CSNK2A1: variants seen among roughly 807,000 people sequenced by gnomAD.
CSNK2A1 encodes casein kinase 2 alpha 1, also known as casein kinase II subunit alpha.
Under a neutral mutation model 62.9 loss-of-function variants are expected in CSNK2A1, and 10 were observed. The ratio of observed to expected loss-of-function variants is 0.16; its 90% CI spans 0.10 to 0.27. The LOEUF is 0.27. Among genes scored for constraint, CSNK2A1 ranks in the 10% least tolerant of loss-of-function variants. The probability of loss-of-function intolerance (pLI) is 1.00; values close to 1 mark genes in which losing one functional copy is unlikely to be tolerated. For missense variants in CSNK2A1, 160 were observed against 492.0 expected (o/e 0.33, Z 6.38); for synonymous variants, 124 against 167.8 (o/e 0.74, Z 2.02).
intron 7 of CSNK2A1, among the ~76,000 whole-genome samples, chr20:497,214 G>A (rs2018362932): frequency 6.6e-6 from 1 of 152,110 alleles, no homozygotes; most frequent in African/African-American, 2.4e-5. Flanking sequence ...TCCAGCCTGT[G>A]CAACAATCAT....
chr20:483,404 C>T lies in CSNK2A1; in HGVS notation c.*557G>A, dbSNP rs1353160176. ...AGCCACTAGGATAACCCCACTGAAG[C>T]GCTTATGGAGTAAAGTGATGTAAGC... On this transcript the variant is annotated 3_prime_UTR_variant, in exon 14 of 14. Coordinates refer to ENST00000217244, the MANE Select transcript of CSNK2A1 (RefSeq NM_177559.3). The T allele has an allele frequency of 3.3e-5, 5 of 152,376 alleles. No individual in the cohort carries two copies. The highest frequency in any genetic ancestry group is 3.8e-4 in the East Asian group (2 of 5,202). The allele number at this position is 152,376 out of a possible 1,614,324, so 9.4% of individuals were successfully genotyped here.
chr20:511,639 T>C (rs941193996), intron 2 of CSNK2A1, among the ~76,000 whole-genome samples: 6 of 152,204 alleles, frequency 3.9e-5, no homozygotes, highest in Admixed American at 1.3e-4. Context: ...CTGATCCATG[T>C]TGTAGCATGT....
intron 2 of CSNK2A1, among the ~76,000 whole-genome samples, chr20:520,140 AG>A (rs1327334668): frequency 6.6e-6 from 1 of 152,132 alleles, no homozygotes; most frequent in Non-Finnish European, 1.5e-5. Context: ...TAAGAAGCAT[AG>A]GGGAAGAAAG....
intron 4 of CSNK2A1, chr20:503,446 G>A (rs552830652): frequency 3.6e-4 from 144 of 398,462 alleles, no homozygotes; most frequent in African/African-American, 2.9e-3. Context: ...AAACTCTCTG[G>A]TTCTCAAAGG....
At chr20:531,337 T>C (rs1278344453) in intron 1 of CSNK2A1, among the ~76,000 whole-genome samples, 3 of 152,166 alleles carry the variant, frequency 2.0e-5, no homozygotes, top group Admixed American at 6.5e-5. Context: ...AGACACCCAA[T>C]GGAGATACCA....
Position 492,320 on chromosome 20 carries a change from G to T in CSNK2A1, c.555C>A (p.Gly185=). The T allele has an allele frequency of 3.1e-6, 5 of 1,613,946 alleles. No individual in the cohort carries two copies. In the South Asian group the frequency reaches 5.5e-5, roughly 18 times the overall value. The change falls in exon 9 of 14, where the codon GGC becomes GGA. Residue 185 remains glycine (G), a synonymous_variant. Coordinates refer to ENST00000217244, the MANE Select transcript of CSNK2A1 (RefSeq NM_177559.3). ...AAGCAACTCGGACATTATATTCTTG[G>T]CCAGGATGATAAAACTCAGCCAAAC... is the stretch of plus-strand genomic sequence containing the variant. ...DWGLAEFYHP[G]QEYNVRVASR...
intron 7 of CSNK2A1, 76 bp downstream of exon 7, chr20:497,645 C>T (rs1483164408): frequency 1.9e-5 from 24 of 1,281,168 alleles, no homozygotes; most frequent in Non-Finnish European, 2.6e-5. Flanking sequence ...AATCTGCTGG[C>T]TTTTCTACCA....
chr20:535,304 T>A (rs982308380), intron 1 of CSNK2A1, among the ~76,000 whole-genome samples: 1 of 152,190 alleles, frequency 6.6e-6, no homozygotes, highest in African/African-American at 2.4e-5. Context: ...AATGAAAGCA[T>A]TTTATTTGAC....
chr20:508,494 G>C lies in CSNK2A1; in HGVS notation c.58C>G (p.Pro20Ala). 1.9e-6 allele frequency: 3 copies of C among 1,614,152 alleles called. No individual in the cohort carries two copies. The highest frequency in any genetic ancestry group is 2.5e-6 in the Non-Finnish European group (3 of 1,180,016). Residue 20 changes from proline to alanine, a missense_variant, in exon 3 of 14, where the codon CCT becomes GCT. Physicochemically the swap from Pro to Ala is conservative, Grantham distance 27 (BLOSUM62 -1). This residue lies in a region of CSNK2A1 where 15 missense variants were observed against 25.6 expected (regional missense o/e 0.59). Transcript: ENST00000217244. ...RVYTDVNTHRPREYWDYESHV... is the reference protein window; with the variant it reads ...RVYTDVNTHRAREYWDYESHV... ...GACTCGTAATCCCAGTATTCTCGAGGTCTGTGTGTATTAACATCTGTGTAA... is the reference window on the plus strand; with the variant it reads ...GACTCGTAATCCCAGTATTCTCGAGCTCTGTGTGTATTAACATCTGTGTAA...
chr20:510,658 T>C (rs1359426398), intron 2 of CSNK2A1, among the ~76,000 whole-genome samples: 1 of 152,182 alleles, frequency 6.6e-6, no homozygotes, highest in Non-Finnish European at 1.5e-5. Context: ...AATATTACAA[T>C]AGGTAAACGT....
At chr20:513,831 G>A (rs890362908) in intron 2 of CSNK2A1, among the ~76,000 whole-genome samples, 5 of 152,080 alleles carry the variant, frequency 3.3e-5, no homozygotes, top group African/African-American at 1.2e-4. Context: ...TTCTCCACTG[G>A]GAAGACAACA....
At chr20:525,410 T>C (rs2019059386) in intron 2 of CSNK2A1, among the ~76,000 whole-genome samples, 1 of 151,892 alleles carries the variant, frequency 6.6e-6, no homozygotes, top group South Asian at 2.1e-4. Flanking sequence ...CCCAGCACTG[T>C]GGGAGGCTGA....
intron 6 of CSNK2A1, chr20:498,075 G>T: frequency 3.6e-6 from 1 of 277,160 alleles, no homozygotes; most frequent in Non-Finnish European, 6.9e-6. Flanking sequence ...AATTTAGTTT[G>T]CTTTTCATGT....
In CSNK2A1 at chr20:483,953, T is replaced by G; in HGVS notation, c.*8A>C. 6.2e-7 allele frequency: 1 copy of G among 1,609,574 alleles called. No homozygotes were observed. The highest frequency in any genetic ancestry group is 8.5e-7 in the Non-Finnish European group (1 of 1,178,286). ...CTCTGCTCAGGCATCAGGAGACAGATAGGGCCGTTACTGCTGAGCGCCAGC... is the reference window on the plus strand; with the variant it reads ...CTCTGCTCAGGCATCAGGAGACAGAGAGGGCCGTTACTGCTGAGCGCCAGC... On this transcript the variant is annotated 3_prime_UTR_variant, in exon 14 of 14. Transcript: ENST00000217244.
At chr20:494,631 G>A (rs1353911631) in intron 8 of CSNK2A1, 1 of 152,176 alleles carries the variant, frequency 6.6e-6, no homozygotes, top group African/African-American at 2.4e-5. Flanking sequence ...TAAATTTCAA[G>A]TGAGAACATG....
chr20:487,124 GACAGGAAAGAT>G (rs1361541208), intron 12 of CSNK2A1: 1 of 362,402 alleles, frequency 2.8e-6, no homozygotes, highest in African/African-American at 2.0e-5. Context: ...GATTACTAGG[GACAGGAAAGAT>G]ACAGGGCTGT....
chr20:541,428 C>A (rs2019446940), intron 1 of CSNK2A1, among the ~76,000 whole-genome samples: 1 of 152,076 alleles, frequency 6.6e-6, no homozygotes, highest in Admixed American at 6.6e-5. Flanking sequence ...AGAAAATCAT[C>A]CCTTTCTTTA....
At chr20:495,543 G>T in intron 8 of CSNK2A1, 176 bp downstream of exon 8, 1 of 530,686 alleles carries the variant, frequency 1.9e-6, no homozygotes, top group Non-Finnish European at 3.4e-6. Context: ...ATATTCTTAG[G>T]AATATAAATA....
chr20:502,487 C>G (rs929256587), intron 4 of CSNK2A1: 2 of 152,196 alleles, frequency 1.3e-5, no homozygotes, highest in Admixed American at 6.5e-5. Context: ...GACCAGGCAG[C>G]TGACTCAGGC....
Sources: gnomAD v4.1 joint callset for allele counts (sites outside exome capture counted in the v4.1 genomes callset) on GRCh38, gnomAD v4.1.1 for gene constraint, gnomAD v4.1.1 regional missense constraint, MANE v1.5 for transcripts, NCBI Gene and HGNC (gene_info 2026-07-23, HGNC 2026-07-21) for gene names.